Variants in KCNAB2 observed in about 807,000 individuals in gnomAD.
The protein encoded by KCNAB2 is voltage-gated potassium channel subunit beta-2.
In KCNAB2, 29 loss-of-function variants were observed where a neutral mutation model predicts 63.6. That is an observed-to-expected ratio of 0.46 (90% confidence interval 0.34 to 0.62). The LOEUF (loss-of-function observed/expected upper bound fraction) is 0.62. KCNAB2 is among the 20% of genes least tolerant of loss of function. The pLI, the probability that KCNAB2 is intolerant of heterozygous loss-of-function variation, is 0.01. For missense variants in KCNAB2, 359 were observed against 563.9 expected (o/e 0.64, Z 3.68); for synonymous variants, 222 against 224.2 (o/e 0.99, Z 0.09).
At chr1:6,090,568 C>A in intron 9 of KCNAB2, 93 bp downstream of exon 9, 1 of 956,250 alleles carries the variant, frequency 1.0e-6, no homozygotes, top group South Asian at 1.4e-5. Flanking sequence ...ATGGGCCCTG[C>A]TGGGCACCCG....
In KCNAB2 at chr1:6,087,448, T is replaced by C; in HGVS notation, c.426-19T>C. ...GGGGCCGGGCTTATCACACCCCTTC[T>C]TTCTCTTCTGTTCCACAGGCGGTCC... On this transcript the variant is annotated intron_variant, in intron 6 of 15. Coordinates refer to ENST00000378083, the MANE Select transcript of KCNAB2 (RefSeq NM_001199862.2). The surrounding 1 kb of genome is among the most constrained non-coding windows in gnomAD (Gnocchi z 6.4). 2.5e-6 allele frequency: 4 copies of C among 1,614,024 alleles called. No individual in the cohort carries two copies. Among genetic ancestry groups the C allele is most frequent in the Non-Finnish European group, 3.4e-6 (4 of 1,179,890 alleles).
At chr1:6,025,653 G>C (rs1247181483) in intron 1 of KCNAB2, among the ~76,000 whole-genome samples, 1 of 152,252 alleles carries the variant, frequency 6.6e-6, no homozygotes, top group Non-Finnish European at 1.5e-5. Context: ...TGGAGTGGCA[G>C]AGCCTGCCCT....
At chr1:6,084,611 T>G (rs143013586) in intron 5 of KCNAB2, among the ~76,000 whole-genome samples, 3 of 151,928 alleles carry the variant, frequency 2.0e-5, no homozygotes, top group East Asian at 1.9e-4. Context: ...AGATGAGGAG[T>G]TCGAGACCAG....
chr1:6,032,314 C>G (rs1482351176), upstream of KCNAB2, among the ~76,000 whole-genome samples: 1 of 152,142 alleles, frequency 6.6e-6, no homozygotes, highest in African/African-American at 2.4e-5. Context: ...GTTGCGGTGG[C>G]TCACACCTGT....
rs1429047771 is a variant in KCNAB2 at position 6,100,042 on chromosome 1, C to G, written c.*1468C>G. 5.3e-6 allele frequency: 8 copies of G among 1,513,038 alleles called. No homozygotes were observed. The allele number at this position is 1,513,038 out of a possible 1,614,324, so 93.7% of individuals were successfully genotyped here. On this transcript the variant is annotated 3_prime_UTR_variant, in exon 16 of 16. Coordinates refer to ENST00000378083, the MANE Select transcript of KCNAB2 (RefSeq NM_001199862.2). Reference sequence around the variant, plus strand: ...AGCTCCATAGGGAAGCCTGTGTCTCCTGCCCCCAGGGCGCACCCTCAGTGC... The same window carrying G: ...AGCTCCATAGGGAAGCCTGTGTCTCGTGCCCCCAGGGCGCACCCTCAGTGC...
intron 15 of KCNAB2, chr1:6,098,200 G>A: frequency 8.5e-7 from 1 of 1,169,856 alleles, no homozygotes; most frequent in South Asian, 2.6e-5. Context: ...CATTTGGCCT[G>A]GAGTTTCCAT....
chr1:6,097,517 C>G, intron 15 of KCNAB2, 160 bp downstream of exon 15: 2 of 1,268,066 alleles, frequency 1.6e-6, no homozygotes, highest in Non-Finnish European at 1.1e-6. Context: ...TGCTTTCCAG[C>G]AGGAACAGAC....
At chr1:6,088,318 A>G (rs764403898) in intron 7 of KCNAB2, among the ~76,000 whole-genome samples, 9 of 150,942 alleles carry the variant, frequency 6.0e-5, no homozygotes, top group South Asian at 2.1e-4. Context: ...TGCAGCCTCA[A>G]CCTCCTGGGT....
upstream of KCNAB2, among the ~76,000 whole-genome samples, chr1:6,032,583 AAAG>A (rs1364502173): frequency 2.7e-5 from 4 of 150,624 alleles, no homozygotes; most frequent in African/African-American, 9.9e-5. Context: ...TAAAAAAAAA[AAAG>A]AGAGAGAGAG....
chr1:5,995,088 C>G (rs920409084), intron 1 of KCNAB2, among the ~76,000 whole-genome samples: 1 of 152,186 alleles, frequency 6.6e-6, no homozygotes, highest in African/African-American at 2.4e-5. Context: ...GTGATATTCA[C>G]GCCGCCAGAG....
At chr1:6,059,039 C>G (rs951236731) in intron 2 of KCNAB2, among the ~76,000 whole-genome samples, 7 of 152,182 alleles carry the variant, frequency 4.6e-5, no homozygotes, top group East Asian at 3.8e-4. Flanking sequence ...TTCCCTCCCC[C>G]ACAGGGCTGC....
At position 6,087,040 on chromosome 1, in the gene KCNAB2, C is replaced by T. The variant is rs1664760967; in HGVS notation, c.426-427C>T. Among the ~76,000 whole-genome samples the T allele has an allele frequency of 6.6e-6, 1 of 152,162 alleles. No individual in the cohort carries two copies. Among genetic ancestry groups the T allele is most frequent in the Admixed American group, 6.5e-5 (1 of 15,276 alleles). On this transcript the variant is annotated intron_variant, in intron 6 of 15. Transcript: ENST00000378083. The surrounding 1 kb of genome is among the most constrained non-coding windows in gnomAD (Gnocchi z 6.4). Reference sequence around the variant, plus strand: ...TCCATCCTCAACTCCTGCCAGATCCCCCCAGAGCCCGCCCCTGCCCCCTGG... The same window carrying T: ...TCCATCCTCAACTCCTGCCAGATCCTCCCAGAGCCCGCCCCTGCCCCCTGG...
rs753642030 is a variant in KCNAB2, at chr1:6,085,287, G to C, written c.425+39G>C. ...TCTCTGCGGCCTGTCCCTGGGGTGGGTGCGGGCGAACTATCCCAGGGTCAG... is the reference window on the plus strand; with the variant it reads ...TCTCTGCGGCCTGTCCCTGGGGTGGCTGCGGGCGAACTATCCCAGGGTCAG... On this transcript the variant is annotated intron_variant, in intron 6 of 15. Coordinates refer to ENST00000378083, the MANE Select transcript of KCNAB2 (RefSeq NM_001199862.2). 6.3e-6 allele frequency: 10 copies of C among 1,595,994 alleles called. No individual in the cohort carries two copies. The South Asian group carries it at 9.9e-5, about 16-fold the overall frequency.
At chr1:6,030,512 T>C (rs1659513973), upstream of KCNAB2, among the ~76,000 whole-genome samples, 1 of 149,940 alleles carries the variant, frequency 6.7e-6, no homozygotes, top group Non-Finnish European at 1.5e-5. Flanking sequence ...ATATGTGTTA[T>C]GTATGTATGT....
intron 11 of KCNAB2, among the ~76,000 whole-genome samples, chr1:6,094,863 A>G (rs1665488003): frequency 6.6e-6 from 1 of 152,234 alleles, no homozygotes; most frequent in Non-Finnish European, 1.5e-5. Flanking sequence ...CAACACCGTC[A>G]GCTGTTTCCA....
chr1:6,019,507 A>G (rs943067021), intron 1 of KCNAB2, among the ~76,000 whole-genome samples: 2 of 152,116 alleles, frequency 1.3e-5, no homozygotes, highest in Non-Finnish European at 2.9e-5. Flanking sequence ...CAGCACCATT[A>G]AAAGAGAGTG....
intron 10 of KCNAB2, among the ~76,000 whole-genome samples, chr1:6,093,107 CTTCCATCCTTCCTTCCT>C (rs1665322866): frequency 6.6e-6 from 1 of 152,244 alleles, no homozygotes; most frequent in South Asian, 2.1e-4. Context: ...AACCCAGCAT[CTTCCATCCTTCCTTCCT>C]TCCCATCAGC....
At chr1:6,013,766 T>A (rs1658327096) in intron 1 of KCNAB2, among the ~76,000 whole-genome samples, 1 of 152,098 alleles carries the variant, frequency 6.6e-6, no homozygotes, top group Non-Finnish European at 1.5e-5. Flanking sequence ...AGCTCACACC[T>A]GCATTGCCTC....
intron 1 of KCNAB2, among the ~76,000 whole-genome samples, chr1:6,016,272 C>A (rs974076353): frequency 6.6e-6 from 1 of 152,208 alleles, no homozygotes; most frequent in African/African-American, 2.4e-5. Flanking sequence ...CCTCCAACAT[C>A]TCCGAGTGAG....
Sources: gnomAD v4.1 joint callset for allele counts (sites outside exome capture counted in the v4.1 genomes callset) on GRCh38, gnomAD v4.1.1 for gene constraint, Gnocchi (gnomAD v3.1) non-coding constraint, MANE v1.5 for transcripts, NCBI Gene and HGNC (gene_info 2026-07-23, HGNC 2026-07-21) for gene names.